The following TSPAN12 variants were observed in gnomAD, a reference collection of about 807,000 sequenced individuals.
The protein encoded by TSPAN12 is tetraspanin 12, also known as tetraspanin-12.
TSPAN12 carries 19 observed loss-of-function variants against 39.2 expected under a neutral mutation model. The observed-to-expected ratio is 0.49, with a 90% confidence interval of 0.34 to 0.71. TSPAN12 has a LOEUF of 0.71. Among genes scored for constraint, TSPAN12 ranks in the 30% least tolerant of loss-of-function variants. The pLI is 0.01. For missense variants in TSPAN12, 314 were observed against 359.9 expected (o/e 0.87, Z 1.03); for synonymous variants, 119 against 124.8 (o/e 0.95, Z 0.31).
chr7:120,843,464 C>A (rs772689865), intron 2 of TSPAN12, among the ~76,000 whole-genome samples: 1 of 152,176 alleles, frequency 6.6e-6, no homozygotes, highest in Non-Finnish European at 1.5e-5. Flanking sequence ...CCTTATGGGG[C>A]TCTCCCACTT....
At chr7:120,810,402 A>G in intron 6 of TSPAN12, 61 bp downstream of exon 6, 9 of 1,050,692 alleles carry the variant, frequency 8.6e-6, no homozygotes, top group Non-Finnish European at 1.2e-5. Context: ...AGCTTTAAAC[A>G]TCTGGTTTGA....
intron 4 of TSPAN12, among the ~76,000 whole-genome samples, chr7:120,820,697 T>C (rs1481493341): frequency 6.6e-6 from 1 of 152,170 alleles, no homozygotes; most frequent in African/African-American, 2.4e-5. Context: ...AGGATCTTGT[T>C]CTTAAACATT....
chr7:120,836,641 T>C (rs1172252492), intron 4 of TSPAN12, among the ~76,000 whole-genome samples: 2 of 152,128 alleles, frequency 1.3e-5, no homozygotes, highest in African/African-American at 4.8e-5. Context: ...ACAGGTCTGA[T>C]AGCAAAAATT....
chr7:120,799,377 A>C (rs1336051350), intron 7 of TSPAN12, among the ~76,000 whole-genome samples: 1 of 145,592 alleles, frequency 6.9e-6, no homozygotes, highest in Non-Finnish European at 1.5e-5. Context: ...ATGAGGAAAC[A>C]TTTATTTTTA....
At chr7:120,827,217 A>C (rs1362568782) in intron 4 of TSPAN12, among the ~76,000 whole-genome samples, 1 of 152,140 alleles carries the variant, frequency 6.6e-6, no homozygotes, top group African/African-American at 2.4e-5. Flanking sequence ...CAAACAAGAT[A>C]AATACTTTAT....
At chr7:120,819,233 G>A (rs957044419) in intron 4 of TSPAN12, among the ~76,000 whole-genome samples, 7 of 152,092 alleles carry the variant, frequency 4.6e-5, no homozygotes, top group African/African-American at 1.7e-4. Context: ...AAGAAAACAG[G>A]AAATGCCCTG....
chr7:120,824,788 T>C (rs1010823849), intron 4 of TSPAN12, among the ~76,000 whole-genome samples: 1 of 152,214 alleles, frequency 6.6e-6, no homozygotes, highest in African/African-American at 2.4e-5. Flanking sequence ...ATTCATCTAA[T>C]GAAGACAAAA....
At chr7:120,832,931 G>A (rs955333950) in intron 4 of TSPAN12, among the ~76,000 whole-genome samples, 2 of 152,068 alleles carry the variant, frequency 1.3e-5, no homozygotes, top group Non-Finnish European at 2.9e-5. Flanking sequence ...ATGAAGCATA[G>A]TTAAAGTCTT....
chr7:120,846,264 A>T (rs1378882851), intron 2 of TSPAN12, among the ~76,000 whole-genome samples: 1 of 152,196 alleles, frequency 6.6e-6, no homozygotes, highest in Non-Finnish European at 1.5e-5. Context: ...CAGGGACACA[A>T]ATCCAAACCA....
At chr7:120,789,705 A>T (rs2116278183) in intron 7 of TSPAN12, among the ~76,000 whole-genome samples, 1 of 152,294 alleles carries the variant, frequency 6.6e-6, no homozygotes. Context: ...CCTCGGTGGA[A>T]TTTCCCTTTT....
chr7:120,789,827 G>T (rs1278949177), intron 7 of TSPAN12, among the ~76,000 whole-genome samples: 1 of 152,198 alleles, frequency 6.6e-6, no homozygotes, highest in African/African-American at 2.4e-5. Context: ...TGTGCCAACA[G>T]AAAAGGGCTA....
intron 7 of TSPAN12, among the ~76,000 whole-genome samples, chr7:120,802,250 G>T (rs1475547751): frequency 6.6e-6 from 1 of 152,222 alleles, no homozygotes; most frequent in Non-Finnish European, 1.5e-5. Context: ...AAGAACAGGG[G>T]AGTGGGCTGT....
At chr7:120,800,830 C>T in intron 7 of TSPAN12, among the ~76,000 whole-genome samples, 1 of 143,386 alleles carries the variant, frequency 7.0e-6, no homozygotes, top group Middle Eastern at 3.6e-3. Flanking sequence ...CTCACTGCAA[C>T]CTTCACCGCC....
chr7:120,823,854 A>G (rs1418266996), intron 4 of TSPAN12, among the ~76,000 whole-genome samples: 1 of 152,222 alleles, frequency 6.6e-6, no homozygotes, highest in African/African-American at 2.4e-5. Flanking sequence ...CTTGGAGCAC[A>G]CTGATAAAAG....
intron 5 of TSPAN12, among the ~76,000 whole-genome samples, chr7:120,811,563 G>C (rs1793981620): frequency 6.6e-6 from 1 of 151,032 alleles, no homozygotes; most frequent in Non-Finnish European, 1.5e-5. Context: ...CCAGCTACTT[G>C]GGAGGCTGAG....
intron 2 of TSPAN12, among the ~76,000 whole-genome samples, chr7:120,853,872 CAA>C (rs749642006): frequency 9.2e-5 from 9 of 97,790 alleles, no homozygotes; most frequent in Admixed American, 2.2e-4. Context: ...GACTCCGTCC[CAA>C]AAAAAAAAAA....
intron 7 of TSPAN12, among the ~76,000 whole-genome samples, chr7:120,792,681 A>G (rs934629046): frequency 1.3e-5 from 2 of 152,232 alleles, no homozygotes; most frequent in African/African-American, 4.8e-5. Flanking sequence ...ACTGAGTAGA[A>G]ACTTCAATGA....
intron 7 of TSPAN12, among the ~76,000 whole-genome samples, chr7:120,792,142 C>T (rs1343799808): frequency 6.6e-6 from 1 of 152,184 alleles, no homozygotes; most frequent in Non-Finnish European, 1.5e-5. Flanking sequence ...CTCCCCTCAG[C>T]TGACTAGAAA....
chr7:120,849,033 A>G (rs1794724054), intron 2 of TSPAN12, among the ~76,000 whole-genome samples: 1 of 152,192 alleles, frequency 6.6e-6, no homozygotes, highest in East Asian at 1.9e-4. Flanking sequence ...ATAATCCTTC[A>G]AATGCCACTC....
Sources: allele counts gnomAD v4.1 joint callset (sites outside exome capture counted in the v4.1 genomes callset), GRCh38; gene constraint gnomAD v4.1.1; transcripts MANE v1.5; gene names NCBI Gene and HGNC (gene_info 2026-07-23, HGNC 2026-07-21).